CAPN15: variants seen among roughly 807,000 people sequenced by gnomAD.
CAPN15 encodes calpain 15.
In CAPN15, 53 loss-of-function variants were observed where a neutral mutation model predicts 97.9. That is an observed-to-expected ratio of 0.54 (90% confidence interval 0.43 to 0.68). The LOEUF (loss-of-function observed/expected upper bound fraction) is 0.68, where lower values mean the gene tolerates loss of function less well. CAPN15 is among the 30% of genes least tolerant of loss of function. The probability of loss-of-function intolerance (pLI) is 0.00; values close to 1 mark genes in which losing one functional copy is unlikely to be tolerated. For missense variants in CAPN15, 1,592 were observed against 1,589.8 expected (o/e 1.00, Z -0.02); for synonymous variants, 922 against 722.5 (o/e 1.28, Z -4.43).
At chr16:540,423 CG>C in intron 3 of CAPN15, 1 of 895,686 alleles carries the variant, frequency 1.1e-6, no homozygotes, top group South Asian at 5.1e-5. Context: ...CAGAGGGCCT[CG>C]TTCTCAGGGT....
intron 9 of CAPN15, 135 bp from the exon 10 acceptor site, chr16:551,916 G>A: frequency 9.1e-7 from 1 of 1,098,366 alleles, no homozygotes; most frequent in Non-Finnish European, 1.3e-6. Context: ...GGGCCCCCGG[G>A]GGCCGGGCTG....
chr16:543,438 CGT>C (rs1171916492), intron 3 of CAPN15: 3 of 152,506 alleles, frequency 2.0e-5, no homozygotes, highest in Non-Finnish European at 4.4e-5. Context: ...GTATGTGGGG[CGT>C]GTGTTAGACT....
chr16:540,048 T>G (rs2034005249), intron 3 of CAPN15: 7 of 980,408 alleles, frequency 7.1e-6, no homozygotes, highest in Non-Finnish European at 8.5e-6. Context: ...CTTCTCTATT[T>G]TCTCTCTCTG....
intron 2 of CAPN15, among the ~76,000 whole-genome samples, chr16:534,783 G>C (rs569922787): frequency 6.6e-6 from 1 of 152,190 alleles, no homozygotes; most frequent in South Asian, 2.1e-4. Flanking sequence ...AGGGGCCCCC[G>C]CTTTCCATCT....
chr16:547,217 G>A lies in CAPN15; in HGVS notation c.379G>A (p.Asp127Asn). The A allele has an allele frequency of 6.5e-7, 1 of 1,527,416 alleles. No homozygotes were observed. Among genetic ancestry groups the A allele is most frequent in the Non-Finnish European group, 8.7e-7 (1 of 1,143,028 alleles). The allele number at this position is 1,527,416 out of a possible 1,614,324, so 94.6% of individuals were successfully genotyped here. The change falls in exon 4 of 14, where the codon GAC becomes AAC. Residue 127 changes from aspartate to asparagine, a missense_variant. Physicochemically the swap from Asp to Asn is conservative, Grantham distance 23 (BLOSUM62 1). Around this residue, in one of 3 missense-constraint regions of CAPN15, gnomAD observed 883 missense variants for 776.6 expected, o/e 1.14. Coordinates refer to ENST00000219611, the MANE Select transcript of CAPN15 (RefSeq NM_005632.3). ...EPARGQCEDK[D>N]EEEKEEQEEE... ...CGCCAGGGGGCAGTGCGAGGACAAG[G>A]ACGAGGAGGAGAAGGAGGAGCAGGA...
intron 3 of CAPN15, among the ~76,000 whole-genome samples, chr16:546,539 A>C (rs1259291797): frequency 1.3e-5 from 2 of 152,226 alleles, no homozygotes; most frequent in African/African-American, 4.8e-5. Context: ...AGTGCCCTGG[A>C]ACAGCAGCCC....
intron 3 of CAPN15, among the ~76,000 whole-genome samples, chr16:545,871 C>T (rs956824822): frequency 5.9e-5 from 9 of 152,224 alleles, no homozygotes; most frequent in Non-Finnish European, 1.2e-4. Context: ...TGTGCCGCCT[C>T]GGCAGCCAGG....
In CAPN15 at chr16:548,794, G is replaced by A. The variant is rs115291443; in HGVS notation, c.1450-199G>A. On this transcript the variant is annotated intron_variant, in intron 4 of 13. Transcript: ENST00000219611. The stretch of plus-strand genomic sequence containing the variant: ...ACACGTCCCCTGCTCCTCACCTGTC[G>A]CCAGCCGGTGGCCTCTCCACTAGGG... 9.8e-3 allele frequency among the ~76,000 whole-genome samples: 1,492 copies of A among 152,348 alleles called. 27 individuals are homozygous for A. The highest frequency in any genetic ancestry group is 0.033 in the African/African-American group (1,381 of 41,580).
rs1206812851 is a variant in CAPN15 at position 547,779 on chromosome 16, G to T, written c.941G>T (p.Ser314Ile). 1 of 1,611,332 alleles carries T rather than the reference G, an allele frequency of 6.2e-7. No homozygotes were observed. The highest frequency in any genetic ancestry group is 1.3e-5 in the African/African-American group (1 of 75,034). ...EGGTSRVEAG[S>I]STSGSDIIDL... ...GGCACCAGCCGCGTAGAGGCCGGCA[G>T]CTCCACCTCGGGCAGTGACATCATT... The change falls in exon 4 of 14, where the codon AGC (serine) becomes ATC (isoleucine). Residue 314 changes from serine to isoleucine, a missense_variant. By Grantham distance (142) the Ser-to-Ile change is moderately radical. Around this residue, in one of 3 missense-constraint regions of CAPN15, gnomAD observed 883 missense variants for 776.6 expected, o/e 1.14. Transcript: ENST00000219611.
rs1362460271 is a variant in CAPN15 at position 551,159 on chromosome 16, C to T, written c.2067-143C>T. ...AGGGCCCCGGTCGGTGAGGGCGCCC[C>T]GTCGGTGAGGGTCCCGGTCGGTGAG... On this transcript the variant is annotated intron_variant, in intron 7 of 13. Coordinates refer to ENST00000219611, the MANE Select transcript of CAPN15 (RefSeq NM_005632.3). 158 of 1,148,088 alleles carry T rather than the reference C, an allele frequency of 1.4e-4. 1 individual carries two copies. In the South Asian group the frequency reaches 2.0e-3, roughly 14 times the overall value. The allele number at this position is 1,148,088 out of a possible 1,614,324, so 71.1% of individuals were successfully genotyped here.
At chr16:537,552 C>G in intron 3 of CAPN15, 1 of 575,016 alleles carries the variant, frequency 1.7e-6, no homozygotes, top group Non-Finnish European at 2.2e-6. Flanking sequence ...GGGCCCAGTG[C>G]AAGCAGCTTC....
intron 7 of CAPN15, 141 bp downstream of exon 7, chr16:549,979 G>A: frequency 3.0e-6 from 2 of 665,028 alleles, no homozygotes; most frequent in Non-Finnish European, 2.6e-6. Context: ...GCGTGGCCAG[G>A]CCACAGCCCC....
intron 5 of CAPN15, 43 bp downstream of exon 5, chr16:549,244 G>T: frequency 1.3e-6 from 2 of 1,539,826 alleles, no homozygotes; most frequent in South Asian, 2.4e-5. Context: ...GTGGGCGGGC[G>T]ACCGGCCGCG....
At chr16:551,197 T>TGAGGGTCCCCAGTCGGTGAGGGTCCC in intron 7 of CAPN15, 105 bp from the exon 8 acceptor site, 1 of 1,366,502 alleles carries the variant, frequency 7.3e-7, no homozygotes, top group South Asian at 1.4e-5. Context: ...CCCCGGTCGG[T>TGAGGGTCCCCAGTCGGTGAGGGTCCC]GAGGGTCCCC....
chr16:534,010 C>A lies in CAPN15; in HGVS notation c.-137+12C>A. 3.0e-6 allele frequency: 3 copies of A among 984,864 alleles called. No individual in the cohort carries two copies. The highest frequency in any genetic ancestry group is 2.4e-6 in the Non-Finnish European group (2 of 829,384). 61.0% of individuals were successfully genotyped at this position (984,864 alleles called of 1,614,324 possible). ...TGCTGCAGCTTCAGGTGAGTTTGTTCCCAAGCCCTGCGGCTCGTTTATGGG... is the reference window on the plus strand; with the variant it reads ...TGCTGCAGCTTCAGGTGAGTTTGTTACCAAGCCCTGCGGCTCGTTTATGGG... On this transcript the variant is annotated intron_variant, in intron 2 of 13. Coordinates refer to ENST00000219611, the MANE Select transcript of CAPN15 (RefSeq NM_005632.3).
chr16:547,434 C>T lies in CAPN15; in HGVS notation c.596C>T (p.Ala199Val), dbSNP rs772816675. The T allele has an allele frequency of 1.0e-5, 16 of 1,582,538 alleles. No individual in the cohort carries two copies. Among genetic ancestry groups the T allele is most frequent in the Admixed American group, 3.4e-5 (2 of 58,186 alleles). ...GCCGGCTTCCACGTCGTGCCTGCCG[C>T]GCCTCCACCTGGCCTCCCCGGGGAA... ...APAGFHVVPA[A>V]PPPGLPGEGA... is the part of the protein sequence containing the mutation. The change falls in exon 4 of 14, where the codon GCG (alanine) becomes GTG (valine). Residue 199 changes from alanine to valine, a missense_variant. Transcript: ENST00000219611.
intron 3 of CAPN15, among the ~76,000 whole-genome samples, chr16:543,008 A>G (rs61299524): frequency 0.04 from 6,123 of 152,072 alleles, 371 homozygotes; most frequent in African/African-American, 0.13. Flanking sequence ...CCAAGATTGC[A>G]CCACTGCACT....
At chr16:550,730 C>T (rs1343156546) in intron 7 of CAPN15, among the ~76,000 whole-genome samples, 2 of 139,634 alleles carry the variant, frequency 1.4e-5, no homozygotes, top group African/African-American at 3.0e-5. Context: ...CGGTGAGGGT[C>T]CCCGTCGGTG....
rs748111129 is a variant in CAPN15, at chr16:547,170, C to T, written c.332C>T (p.Ala111Val). The change falls in exon 4 of 14, where the codon GCG becomes GTG. Residue 111 changes from alanine to valine, a missense_variant. Around this residue, in one of 3 missense-constraint regions of CAPN15, gnomAD observed 883 missense variants for 776.6 expected, o/e 1.14. Coordinates refer to ENST00000219611, the MANE Select transcript of CAPN15 (RefSeq NM_005632.3). Reference protein sequence around the residue: ...CQEEAGPVRTAGLVATEPARG... With the variant: ...CQEEAGPVRTVGLVATEPARG... Reference sequence around the variant, plus strand: ...GAGGAAGCAGGTCCAGTGAGGACTGCGGGGCTGGTGGCCACGGAGCCCGCC... The same window carrying T: ...GAGGAAGCAGGTCCAGTGAGGACTGTGGGGCTGGTGGCCACGGAGCCCGCC... 70 of 1,540,548 alleles carry T rather than the reference C, an allele frequency of 4.5e-5. No individual in the cohort carries two copies. Among genetic ancestry groups the T allele is most frequent in the South Asian group, 7.4e-5 (6 of 81,450 alleles).
Sources: allele counts gnomAD v4.1 joint callset (sites outside exome capture counted in the v4.1 genomes callset), GRCh38; gene constraint gnomAD v4.1.1; regional missense constraint gnomAD v4.1.1; transcripts MANE v1.5; gene names NCBI Gene and HGNC (gene_info 2026-07-23, HGNC 2026-07-21).